The following PDE1A variants were observed in gnomAD, a reference collection of about 807,000 sequenced individuals.
PDE1A encodes dual specificity calcium/calmodulin-dependent 3',5'-cyclic nucleotide phosphodiesterase 1A.
Under a neutral mutation model 61.7 loss-of-function variants are expected in PDE1A, and 35 were observed. The observed-to-expected ratio is 0.57, with a 90% CI of 0.43 to 0.75. PDE1A has a LOEUF of 0.75. PDE1A is among the 30% of genes least tolerant of loss of function. PDE1A has a pLI of 0.00. For missense variants in PDE1A, 597 were observed against 630.6 expected (o/e 0.95, Z 0.57); for synonymous variants, 232 against 213.2 (o/e 1.09, Z -0.77).
At chr2:182,298,302 A>G (rs143942629) in intron 1 of PDE1A, among the ~76,000 whole-genome samples, 1 of 152,192 alleles carries the variant, frequency 6.6e-6, no homozygotes, top group Non-Finnish European at 1.5e-5. Context: ...GTATCAGTTG[A>G]GCTCACTGTA....
At chr2:182,451,332 T>C in intron 2 of PDE1A, among the ~76,000 whole-genome samples, 1 of 14,990 alleles carries the variant, frequency 6.7e-5, no homozygotes, top group Non-Finnish European at 1.2e-4. Flanking sequence ...TGAGCCGAGA[T>C]CCCGCCACTG....
chr2:182,493,453 C>T (rs1015747738), intron 2 of PDE1A, among the ~76,000 whole-genome samples: 4 of 151,994 alleles, frequency 2.6e-5, no homozygotes, highest in African/African-American at 9.7e-5. Context: ...CGTGACAGGC[C>T]CCGGTGTGTG....
the PDE1A span, among the ~76,000 whole-genome samples, chr2:182,577,305 T>C: frequency 6.6e-6 from 1 of 152,202 alleles, no homozygotes; most frequent in Non-Finnish European, 1.5e-5. Flanking sequence ...TAAATATTCA[T>C]ATTGTTACCA....
chr2:182,658,994 AAAAACTCAT>A, the PDE1A span, among the ~76,000 whole-genome samples: 118 of 152,294 alleles, frequency 7.7e-4, 1 homozygote, highest in African/African-American at 2.7e-3. Context: ...GAATTGAAAG[AAAAACTCAT>A]TTCTTACTAC....
At chr2:182,483,307 T>C (rs1687818637) in intron 2 of PDE1A, among the ~76,000 whole-genome samples, 1 of 151,908 alleles carries the variant, frequency 6.6e-6, no homozygotes, top group South Asian at 2.1e-4. Context: ...ATAGAAGACT[T>C]GAACAACACA....
intron 2 of PDE1A, among the ~76,000 whole-genome samples, chr2:182,476,938 C>A (rs17356296): frequency 6.7e-6 from 1 of 148,972 alleles, no homozygotes. Context: ...CCAAAGTAAA[C>A]AGGGAAATGT....
chr2:182,416,976 A>G (rs1702955178), intron 1 of PDE1A, among the ~76,000 whole-genome samples: 2 of 152,196 alleles, frequency 1.3e-5, no homozygotes, highest in African/African-American at 4.8e-5. Flanking sequence ...GCTGAGCTCA[A>G]GATTCAGTTC....
the PDE1A span, among the ~76,000 whole-genome samples, chr2:182,604,815 G>A: frequency 2.0e-5 from 3 of 152,004 alleles, no homozygotes; most frequent in South Asian, 6.2e-4. Context: ...TTTTTTAAGT[G>A]TTTCATGATT....
intron 2 of PDE1A, among the ~76,000 whole-genome samples, chr2:182,493,035 T>C (rs1688490059): frequency 6.6e-6 from 1 of 151,826 alleles, no homozygotes; most frequent in South Asian, 2.1e-4. Flanking sequence ...ACTTCTTTTA[T>C]TGCATAAAAC....
At chr2:182,428,562 G>A (rs2125622278), upstream of PDE1A, among the ~76,000 whole-genome samples, 1 of 152,234 alleles carries the variant, frequency 6.6e-6, no homozygotes, top group East Asian at 1.9e-4. Context: ...GTGCTATACA[G>A]CAGTTAAATA....
At chr2:182,594,612 C>A in the PDE1A span, among the ~76,000 whole-genome samples, 2 of 152,192 alleles carry the variant, frequency 1.3e-5, no homozygotes, top group Non-Finnish European at 2.9e-5. Flanking sequence ...ATTAAATGAA[C>A]ACAAAATGAA....
the PDE1A span, among the ~76,000 whole-genome samples, chr2:182,653,052 G>A: frequency 6.6e-6 from 1 of 152,124 alleles, no homozygotes; most frequent in African/African-American, 2.4e-5. Context: ...TTTCCCCCAG[G>A]AATATACTTC....
intron 13 of PDE1A, among the ~76,000 whole-genome samples, chr2:182,156,348 AAC>A (rs1394960364): frequency 6.6e-6 from 1 of 151,984 alleles, no homozygotes. Flanking sequence ...TTATCCTTTC[AAC>A]ACTTTTTTTT....
the PDE1A span, among the ~76,000 whole-genome samples, chr2:182,538,582 G>T: frequency 6.6e-6 from 1 of 151,396 alleles, no homozygotes; most frequent in Non-Finnish European, 1.5e-5. Flanking sequence ...TCATTTGTTT[G>T]ACTATACACA....
the PDE1A span, among the ~76,000 whole-genome samples, chr2:182,634,522 C>G: frequency 6.6e-6 from 1 of 152,170 alleles, no homozygotes. Flanking sequence ...TCCTGCTTTG[C>G]CGAAAGAGGT....
the PDE1A span, among the ~76,000 whole-genome samples, chr2:182,609,529 A>G: frequency 6.6e-6 from 1 of 152,252 alleles, no homozygotes; most frequent in African/African-American, 2.4e-5. Context: ...CAGCAAGACC[A>G]CGAACCCACC....
chr2:182,293,217 A>C (rs2125892169), intron 1 of PDE1A, among the ~76,000 whole-genome samples: 1 of 152,272 alleles, frequency 6.6e-6, no homozygotes, highest in Non-Finnish European at 1.5e-5. Context: ...CTAGAAAGAA[A>C]GTTGCATCAA....
chr2:182,164,438 T>C (rs1236576985), downstream of PDE1A, among the ~76,000 whole-genome samples: 1 of 152,120 alleles, frequency 6.6e-6, no homozygotes, highest in African/African-American at 2.4e-5. Flanking sequence ...TAGACCTCTC[T>C]GAGTGGGCAA....
chr2:182,711,923 A>T, the PDE1A span, among the ~76,000 whole-genome samples: 2 of 152,204 alleles, frequency 1.3e-5, no homozygotes, highest in Non-Finnish European at 2.9e-5. Flanking sequence ...GTCTCAAAGC[A>T]CCTCCAATAA....
Sources: allele counts gnomAD v4.1 joint callset (sites outside exome capture counted in the v4.1 genomes callset), GRCh38; gene constraint gnomAD v4.1.1; transcripts MANE v1.5; gene names NCBI Gene and HGNC (gene_info 2026-07-23, HGNC 2026-07-21).